LPAR6: variants seen among roughly 807,000 people sequenced by gnomAD.
LPAR6 encodes G-protein coupled purinergic receptor P2Y5.
Under a neutral mutation model 22.0 loss-of-function variants are expected in LPAR6, and 17 were observed. The observed-to-expected ratio is 0.77, with a 90% confidence interval of 0.53 to 1.16. The LOEUF is 1.16. Among genes scored for constraint, LPAR6 ranks in the 50% most tolerant of loss-of-function variants. The probability of loss-of-function intolerance (pLI) is 0.00; values close to 1 mark genes in which losing one functional copy is unlikely to be tolerated. For synonymous variants in LPAR6, 136 were observed against 139.8 expected, an observed-to-expected ratio of 0.97 and a Z score of 0.19; for missense variants, 384 against 406.9, an observed-to-expected ratio of 0.94 and a Z score of 0.48.
At chr13:48,432,266 C>T (rs926109728) in intron 1 of LPAR6, among the ~76,000 whole-genome samples, 3 of 152,124 alleles carry the variant, frequency 2.0e-5, no homozygotes, top group African/African-American at 7.2e-5. Context: ...ATTTCCAGCT[C>T]ACCTCCCAGA....
At chr13:48,405,392 T>C (rs1948730943) in intron 1 of LPAR6, among the ~76,000 whole-genome samples, 1 of 152,200 alleles carries the variant, frequency 6.6e-6, no homozygotes, top group Admixed American at 6.5e-5. Context: ...AATTTTAAGA[T>C]TCATTCTAAT....
At chr13:48,390,776 A>G (rs1948605235) in intron 1 of LPAR6, among the ~76,000 whole-genome samples, 1 of 152,172 alleles carries the variant, frequency 6.6e-6, no homozygotes, top group Non-Finnish European at 1.5e-5. Context: ...TAGTGAAGCC[A>G]TTCCAGCTTT....
chr13:48,393,662 C>T (rs927546365), intron 1 of LPAR6, among the ~76,000 whole-genome samples: 2 of 152,082 alleles, frequency 1.3e-5, no homozygotes, highest in Non-Finnish European at 2.9e-5. Flanking sequence ...GTATCATTTC[C>T]GCTTCCTTGT....
At chr13:48,417,994 C>T (rs182912819), upstream of LPAR6, among the ~76,000 whole-genome samples, 27 of 152,208 alleles carry the variant, frequency 1.8e-4, no homozygotes, top group East Asian at 2.9e-3. Flanking sequence ...CAACCTAGCA[C>T]GACAGGCCAA....
chr13:48,398,040 C>T (rs1225224944), intron 1 of LPAR6, among the ~76,000 whole-genome samples: 1 of 152,170 alleles, frequency 6.6e-6, no homozygotes, highest in Non-Finnish European at 1.5e-5. Flanking sequence ...GATTAAGCCA[C>T]ATTTAACACT....
chr13:48,414,281 A>G (rs577086962), upstream of LPAR6, among the ~76,000 whole-genome samples: 1 of 151,370 alleles, frequency 6.6e-6, no homozygotes, highest in Non-Finnish European at 1.5e-5. Flanking sequence ...TGGGAGGCAG[A>G]TGTTGCAGTG....
intron 1 of LPAR6, among the ~76,000 whole-genome samples, chr13:48,424,576 A>G (rs1296435666): frequency 6.9e-6 from 1 of 145,558 alleles, no homozygotes; most frequent in Non-Finnish European, 1.5e-5. Flanking sequence ...ATCTGTGCAT[A>G]CACTTGAGTT....
chr13:48,419,700 G>A (rs1343749657), intron 2 of LPAR6, among the ~76,000 whole-genome samples: 1 of 152,174 alleles, frequency 6.6e-6, no homozygotes, highest in African/African-American at 2.4e-5. Flanking sequence ...AAATGCTAAA[G>A]GGGATATCAC....
At chr13:48,440,457 T>C (rs1251124771) in intron 1 of LPAR6, among the ~76,000 whole-genome samples, 1 of 152,212 alleles carries the variant, frequency 6.6e-6, no homozygotes, top group African/African-American at 2.4e-5. Context: ...AGCTAATGCA[T>C]ATTTTTTAAC....
chr13:48,414,160 C>T (rs554806289), upstream of LPAR6, among the ~76,000 whole-genome samples: 8 of 152,086 alleles, frequency 5.3e-5, no homozygotes, highest in Non-Finnish European at 1.2e-4. Context: ...GCAGCCTGGC[C>T]AAAATGGCGA....
intron 1 of LPAR6, among the ~76,000 whole-genome samples, chr13:48,392,774 T>A (rs1948620992): frequency 6.6e-6 from 1 of 151,898 alleles, no homozygotes; most frequent in African/African-American, 2.4e-5. Flanking sequence ...CTCTTTTTTT[T>A]AAGAGTCGTA....
chr13:48,403,696 C>A (rs947039159), intron 1 of LPAR6, among the ~76,000 whole-genome samples: 27 of 152,134 alleles, frequency 1.8e-4, no homozygotes, highest in Non-Finnish European at 2.6e-4. Flanking sequence ...TTGCTGGGCC[C>A]AGTCACAAAG....
chr13:48,399,709 G>A (rs993286439), intron 1 of LPAR6, among the ~76,000 whole-genome samples: 11 of 151,994 alleles, frequency 7.2e-5, no homozygotes, highest in Non-Finnish European at 1.6e-4. Context: ...AAATGCTTAT[G>A]TAAGCCTGAG....
intron 1 of LPAR6, among the ~76,000 whole-genome samples, chr13:48,438,449 A>C (rs756300052): frequency 5.3e-5 from 8 of 152,034 alleles, no homozygotes; most frequent in Non-Finnish European, 1.2e-4. Context: ...GTTTTCTCTA[A>C]TGCTCCTAAT....
At chr13:48,426,686 G>A (rs1949083982) in intron 1 of LPAR6, 1 of 152,208 alleles carries the variant, frequency 6.6e-6, no homozygotes, top group Admixed American at 6.5e-5. Context: ...TATTGCTGGA[G>A]CAGGAACTCG....
chr13:48,423,120 G>A (rs568542532), intron 1 of LPAR6, among the ~76,000 whole-genome samples: 1 of 152,184 alleles, frequency 6.6e-6, no homozygotes, highest in South Asian at 2.1e-4. Context: ...ACAGAGAGAG[G>A]CCTGTTCTCA....
intron 1 of LPAR6, among the ~76,000 whole-genome samples, chr13:48,439,367 TG>T (rs2138301146): frequency 6.6e-6 from 1 of 152,316 alleles, no homozygotes; most frequent in African/African-American, 2.4e-5. Flanking sequence ...GACAGAATTT[TG>T]GTAGTGAGGT....
chr13:48,398,843 T>C (rs1948667978), intron 1 of LPAR6, among the ~76,000 whole-genome samples: 1 of 152,080 alleles, frequency 6.6e-6, no homozygotes, highest in African/African-American at 2.4e-5. Context: ...TGTATGTGTA[T>C]TTTTTATCCT....
At chr13:48,401,979 T>C (rs1269395446) in intron 1 of LPAR6, among the ~76,000 whole-genome samples, 3 of 152,138 alleles carry the variant, frequency 2.0e-5, no homozygotes, top group Non-Finnish European at 4.4e-5. Flanking sequence ...GATAATTTAA[T>C]TGTCTAAAAG....
Sources: allele counts gnomAD v4.1 joint callset (sites outside exome capture counted in the v4.1 genomes callset), GRCh38; gene constraint gnomAD v4.1.1; transcripts MANE v1.5; gene names NCBI Gene and HGNC (gene_info 2026-07-23, HGNC 2026-07-21).